Variants in DOCK1 observed in about 807,000 individuals in gnomAD.
The protein encoded by DOCK1 is dedicator of cytokinesis protein 1.
A neutral mutation model predicts 262.7 loss-of-function variants in DOCK1; 138 were observed. The ratio of observed to expected loss-of-function variants is 0.53; its 90% CI spans 0.46 to 0.61. DOCK1 has a LOEUF of 0.61. Ranked by LOEUF, DOCK1 falls within the 20% of genes least tolerant of loss-of-function variation. The pLI, the probability that DOCK1 is intolerant of heterozygous loss-of-function variation, is 0.00. For synonymous variants in DOCK1, 866 were observed against 867.4 expected, an observed-to-expected ratio of 1.00 and a Z score of 0.03; for missense variants, 1,908 against 2,370.7, an observed-to-expected ratio of 0.80 and a Z score of 4.05.
chr10:127,126,059 C>T (rs1187608929), intron 26 of DOCK1, among the ~76,000 whole-genome samples: 1 of 150,868 alleles, frequency 6.6e-6, no homozygotes, highest in African/African-American at 2.4e-5. Flanking sequence ...TAGGTCAGTG[C>T]TTTGCTTTTG....
At chr10:127,320,870 ATTC>A (rs2062488754) in intron 29 of DOCK1, among the ~76,000 whole-genome samples, 1 of 151,982 alleles carries the variant, frequency 6.6e-6, no homozygotes, top group Admixed American at 6.5e-5. Context: ...TCACCTCCAG[ATTC>A]TTCTACTGCA....
chr10:127,180,598 C>A (rs956800436), intron 27 of DOCK1, among the ~76,000 whole-genome samples: 2 of 152,156 alleles, frequency 1.3e-5, no homozygotes, highest in African/African-American at 4.8e-5. Context: ...ATAAACCCTG[C>A]ATTTTTAGAT....
intron 27 of DOCK1, among the ~76,000 whole-genome samples, chr10:127,203,585 C>T (rs2057569635): frequency 6.6e-6 from 1 of 150,900 alleles, no homozygotes; most frequent in Non-Finnish European, 1.5e-5. Context: ...AAAAAAATCT[C>T]TAGTTATGTT....
At chr10:127,331,456 A>G (rs1158884937) in intron 29 of DOCK1, among the ~76,000 whole-genome samples, 1 of 151,906 alleles carries the variant, frequency 6.6e-6, no homozygotes, top group Non-Finnish European at 1.5e-5. Context: ...TAATTTTTGT[A>G]TTTTTAGTAG....
chr10:126,935,309 G>A (rs937126850), intron 1 of DOCK1, among the ~76,000 whole-genome samples: 4 of 152,224 alleles, frequency 2.6e-5, no homozygotes, highest in African/African-American at 9.6e-5. Context: ...GTTCATGTGT[G>A]CTGGGTTTGT....
intron 27 of DOCK1, among the ~76,000 whole-genome samples, chr10:127,206,954 C>A (rs2057751281): frequency 1.3e-5 from 2 of 152,180 alleles, no homozygotes; most frequent in Admixed American, 1.3e-4. Context: ...CCCTGCTACT[C>A]CTAATATAAA....
chr10:127,254,015 A>C (rs1336362194), intron 28 of DOCK1, among the ~76,000 whole-genome samples: 1 of 152,100 alleles, frequency 6.6e-6, no homozygotes, highest in South Asian at 2.1e-4. Context: ...AGTGAGAGAC[A>C]GGGATGCACC....
chr10:127,173,980 C>T (rs1380007378), intron 27 of DOCK1, among the ~76,000 whole-genome samples: 1 of 152,230 alleles, frequency 6.6e-6, no homozygotes, highest in Non-Finnish European at 1.5e-5. Flanking sequence ...AGGGCAGGAC[C>T]TGCCCCAGCC....
intron 1 of DOCK1, among the ~76,000 whole-genome samples, chr10:126,968,257 C>T (rs1239901221): frequency 2.0e-5 from 3 of 151,758 alleles, no homozygotes. Context: ...GTCAAATACC[C>T]TTGCAAGGCT....
Position 127,439,039 on chromosome 10 carries a change from G to C in DOCK1, c.5073G>C (p.Glu1691Asp), listed in dbSNP as rs2069890132. 1 of 1,551,760 alleles carries C rather than the reference G, an allele frequency of 6.4e-7. No individual in the cohort carries two copies. The highest frequency in any genetic ancestry group is 8.7e-7 in the Non-Finnish European group (1 of 1,147,074). ...SRPGSDGFAL[E>D]PLLPKKMHSR... Reference sequence around the variant, plus strand: ...ACCTTTCCTTTAGGTTTGCCCTGGAGCCTCTCCTGCCAAAGAAAATGCACT... The same window carrying C: ...ACCTTTCCTTTAGGTTTGCCCTGGACCCTCTCCTGCCAAAGAAAATGCACT... Residue 1691 changes from glutamate to aspartate, a missense_variant, in exon 49 of 52, where the codon GAG (glutamate) becomes GAC (aspartate). Physicochemically the swap from Glu to Asp is conservative, Grantham distance 45. This residue lies in a region of DOCK1 where 383 missense variants were observed against 420.1 expected (regional missense o/e 0.91). Transcript: ENST00000623213.
intron 13 of DOCK1, among the ~76,000 whole-genome samples, chr10:127,019,446 C>G (rs2042250245): frequency 6.6e-6 from 1 of 152,094 alleles, no homozygotes; most frequent in African/African-American, 2.4e-5. Flanking sequence ...TTTTGGTTTG[C>G]AAGTAATGCT....
chr10:126,963,396 A>G (rs2037375581), intron 1 of DOCK1, among the ~76,000 whole-genome samples: 1 of 152,132 alleles, frequency 6.6e-6, no homozygotes, highest in South Asian at 2.1e-4. Flanking sequence ...GTTTTAGTTT[A>G]CAAGTCTGTA....
intron 1 of DOCK1, among the ~76,000 whole-genome samples, chr10:126,920,229 A>C (rs1039421277): frequency 3.9e-5 from 6 of 152,264 alleles, no homozygotes; most frequent in Non-Finnish European, 8.8e-5. Flanking sequence ...TATTTTAATA[A>C]GTTCTAGAAT....
chr10:127,433,377 C>T lies in DOCK1; in HGVS notation c.5009C>T (p.Ser1670Phe), dbSNP rs2069436113. ...TCATCCCGCCCTCTGTCTGTGGCCT[C>T]TGTCTCTTCCCTCTCATCGGACAGC... ...PSSSRPLSVASVSSLSSDSTP... is the reference protein window; with the variant it reads ...PSSSRPLSVAFVSSLSSDSTP... Residue 1670 changes from serine (S) to phenylalanine (F), a missense_variant, in exon 48 of 52, where the codon TCT becomes TTT. Around this residue, in one of 9 missense-constraint regions of DOCK1, gnomAD observed 383 missense variants for 420.1 expected, o/e 0.91. Coordinates refer to ENST00000623213, the MANE Select transcript of DOCK1 (RefSeq NM_001290223.2). 2 of 1,613,906 alleles carry T rather than the reference C, an allele frequency of 1.2e-6. No homozygotes were observed. Among genetic ancestry groups the T allele is most frequent in the African/African-American group, 1.3e-5 (1 of 74,934 alleles).
chr10:127,042,695 C>A lies in DOCK1; in HGVS notation c.2081C>A (p.Thr694Lys). The change falls in exon 20 of 52, where the codon ACG becomes AAG. Residue 694 changes from threonine (T) to lysine (K), a missense_variant. Physicochemically the swap from Thr to Lys is moderately conservative, Grantham distance 78. Around this residue, in one of 9 missense-constraint regions of DOCK1, gnomAD observed 294 missense variants for 439.9 expected, o/e 0.67. Transcript: ENST00000623213. ...MENSESETFDTLVFDALVFII... is the reference protein window; with the variant it reads ...MENSESETFDKLVFDALVFII... ...AACTCAGAGAGTGAGACTTTTGACA[C>A]GTTAGTCTTTGATGCTCTGGTAAGA... 6.2e-7 allele frequency: 1 copy of A among 1,614,044 alleles called. No homozygotes were observed. Among genetic ancestry groups the A allele is most frequent in the African/African-American group, 1.3e-5 (1 of 75,020 alleles).
At chr10:126,928,368 G>A (rs1049184414) in intron 1 of DOCK1, among the ~76,000 whole-genome samples, 14 of 152,222 alleles carry the variant, frequency 9.2e-5, no homozygotes, top group Non-Finnish European at 1.9e-4. Context: ...GGAGCCCGCA[G>A]CCTGACTCGT....
intron 27 of DOCK1, among the ~76,000 whole-genome samples, chr10:127,172,043 C>T (rs1225679726): frequency 2.0e-5 from 3 of 152,146 alleles, no homozygotes; most frequent in Non-Finnish European, 1.5e-5. Context: ...AGTTCATTGT[C>T]GTATCATATA....
At chr10:127,430,848 AG>A (rs2069235363) in intron 47 of DOCK1, among the ~76,000 whole-genome samples, 1 of 152,168 alleles carries the variant, frequency 6.6e-6, no homozygotes, top group African/African-American at 2.4e-5. Flanking sequence ...GGCTGGCTCA[AG>A]GTGGGACGTT....
At chr10:127,107,239 C>T (rs59040070) in intron 24 of DOCK1, among the ~76,000 whole-genome samples, 6,493 of 152,184 alleles carry the variant, frequency 0.043, 486 homozygotes, top group African/African-American at 0.15. Context: ...CATTTTTTAC[C>T]GGCCAATGAA....
Sources: gnomAD v4.1 joint callset for allele counts (sites outside exome capture counted in the v4.1 genomes callset) on GRCh38, gnomAD v4.1.1 for gene constraint, gnomAD v4.1.1 regional missense constraint, MANE v1.5 for transcripts, NCBI Gene and HGNC (gene_info 2026-07-23, HGNC 2026-07-21) for gene names.